EFCAB8: variants seen among roughly 807,000 people sequenced by gnomAD.
The protein encoded by EFCAB8 is EF-hand calcium-binding domain-containing protein 8.
In EFCAB8, 100 loss-of-function variants were observed where a neutral mutation model predicts 116.3. The ratio of observed to expected loss-of-function variants is 0.86; its 90% CI spans 0.73 to 1.02. The LOEUF is 1.02. EFCAB8 is among the 50% of genes least tolerant of loss of function. The pLI, the probability that EFCAB8 is intolerant of heterozygous loss-of-function variation, is 0.00. For synonymous variants in EFCAB8, 558 were observed against 567.9 expected, an observed-to-expected ratio of 0.98 and a Z score of 0.25; for missense variants, 1,320 against 1,416.9, an observed-to-expected ratio of 0.93 and a Z score of 1.10.
At chr20:32,887,157 C>T (rs1262507618) in intron 6 of EFCAB8, among the ~76,000 whole-genome samples, 1 of 152,200 alleles carries the variant, frequency 6.6e-6, no homozygotes, top group East Asian at 1.9e-4. Context: ...CCCTGCCTTC[C>T]CTATCCCTTC....
At chr20:32,889,498 A>G in intron 7 of EFCAB8, 92 bp downstream of exon 7, 6 of 1,287,204 alleles carry the variant, frequency 4.7e-6, no homozygotes, top group Non-Finnish European at 6.6e-6. Context: ...GCAACTGTGA[A>G]CATGGATCAG....
At chr20:32,867,790 A>G (rs942691759) in intron 3 of EFCAB8, 43 bp downstream of exon 3, 1 of 1,536,356 alleles carries the variant, frequency 6.5e-7, no homozygotes, top group African/African-American at 1.4e-5. Context: ...GAGTTCTGCA[A>G]CAGGGCAGGA....
chr20:32,892,317 T>C lies in EFCAB8; in HGVS notation c.758+20T>C. 1.3e-6 allele frequency: 2 copies of C among 1,550,286 alleles called. No individual in the cohort carries two copies. The highest frequency in any genetic ancestry group is 4.9e-5 in the East Asian group (2 of 40,910). On this transcript the variant is annotated intron_variant, in intron 8 of 26. Coordinates refer to ENST00000400522, the MANE Select transcript of EFCAB8 (RefSeq NM_001143967.2). Reference sequence around the variant, plus strand: ...CTACTGGTGAGTCTCCACTGGGTGTTCCTCACATGAACCAGGAGGCCCAGG... The same window carrying C: ...CTACTGGTGAGTCTCCACTGGGTGTCCCTCACATGAACCAGGAGGCCCAGG...
At chr20:32,954,985 A>C (rs1206534974) in intron 23 of EFCAB8, among the ~76,000 whole-genome samples, 2 of 135,824 alleles carry the variant, frequency 1.5e-5, no homozygotes, top group African/African-American at 5.6e-5. Context: ...TTGAGTGCCC[A>C]AAACCTTCTT....
In EFCAB8 at chr20:32,939,149, T is replaced by C. The variant is rs572093437; in HGVS notation, c.2791-4487T>C. Among the ~76,000 whole-genome samples the C allele has an allele frequency of 2.3e-4, 15 of 64,672 alleles. 2 individuals carry two copies. The South Asian group carries it at 3.9e-3, about 17-fold the overall frequency. The allele number at this position is 64,672 out of a possible 152,430, so 42.4% of individuals were successfully genotyped here. A position where few individuals can be genotyped will look rare whatever the true frequency, so the allele number is the denominator to read the frequency against. ...TCTCTTTCTTTCTTTCTTTCTTTCT[T>C]TCTTTCTTTCTTTCTTTCTTTCTTT... On this transcript the variant is annotated intron_variant, in intron 22 of 26. Coordinates refer to ENST00000400522, the MANE Select transcript of EFCAB8 (RefSeq NM_001143967.2).
rs375241739 is a variant in EFCAB8 at position 32,873,903 on chromosome 20, T to G, written c.209-2023T>G. 5.6e-4 allele frequency among the ~76,000 whole-genome samples: 85 copies of G among 152,072 alleles called. 2 individuals carry two copies. The highest frequency in any genetic ancestry group is 1.2e-3 in the African/African-American group (48 of 41,418). On this transcript the variant is annotated intron_variant, in intron 3 of 26. Transcript: ENST00000400522. The stretch of plus-strand genomic sequence containing the variant: ...CATTATATACTTTTGTTCTGCTGCT[T>G]CTTTTCTTCGTTTTTATTTTATTTA...
chr20:32,898,785 C>G (rs1986288116), intron 11 of EFCAB8, among the ~76,000 whole-genome samples, 162 bp downstream of exon 11: 1 of 152,046 alleles, frequency 6.6e-6, no homozygotes, highest in Admixed American at 6.5e-5. Flanking sequence ...ACACAGCAGC[C>G]TCTTTTATCT....
chr20:32,942,481 G>A (rs965892992), intron 22 of EFCAB8, among the ~76,000 whole-genome samples: 22 of 151,656 alleles, frequency 1.5e-4, no homozygotes, highest in African/African-American at 5.3e-4. Flanking sequence ...GAGCCTAACA[G>A]TTCGAGACCA....
At position 32,888,318 on chromosome 20, in the gene EFCAB8, C is replaced by G. The variant is rs186213516; in HGVS notation, c.568-983C>G. 7.9e-5 allele frequency among the ~76,000 whole-genome samples: 12 copies of G among 152,182 alleles called. No individual in the cohort carries two copies. The East Asian group carries it at 2.3e-3, about 29-fold the overall frequency. ...TCAGCTCACTGCAGCCTCTGCCTCC[C>G]GGGTTCAGGTGATTCTTCTGCCTCA... On this transcript the variant is annotated intron_variant, in intron 6 of 26. Transcript: ENST00000400522.
chr20:32,913,664 A>G (rs1987045745), intron 17 of EFCAB8, among the ~76,000 whole-genome samples: 1 of 152,180 alleles, frequency 6.6e-6, no homozygotes. Flanking sequence ...TCAAGCTACA[A>G]TTCATTCTGA....
chr20:32,920,288 G>T, intron 20 of EFCAB8, 73 bp downstream of exon 20: 1 of 1,516,132 alleles, frequency 6.6e-7, no homozygotes, highest in East Asian at 2.5e-5. Context: ...GTCAGGATGG[G>T]GCTCGGGGGC....
intron 7 of EFCAB8, among the ~76,000 whole-genome samples, chr20:32,891,228 G>A (rs1985895126): frequency 6.6e-6 from 1 of 152,116 alleles, no homozygotes; most frequent in South Asian, 2.1e-4. Context: ...TCCTGCCTCA[G>A]CCTCCTGAGT....
chr20:32,877,444 G>C (rs1168365192), intron 4 of EFCAB8, among the ~76,000 whole-genome samples: 1 of 151,946 alleles, frequency 6.6e-6, no homozygotes, highest in Non-Finnish European at 1.5e-5. Context: ...CCTGACCTCA[G>C]GTAATCCACC....
At chr20:32,903,664 G>A (rs1986536253) in intron 11 of EFCAB8, 1 of 152,276 alleles carries the variant, frequency 6.6e-6, no homozygotes, top group African/African-American at 2.4e-5. Context: ...TGAAATATGT[G>A]TACTGCCATC....
At chr20:32,896,422 C>T (rs1179649195) in intron 9 of EFCAB8, 32 bp from the exon 10 acceptor site, 1 of 716,330 alleles carries the variant, frequency 1.4e-6, no homozygotes, top group Admixed American at 2.0e-5. Context: ...GGGAAAGCTG[C>T]TGATGTGGAC....
chr20:32,932,493 G>A (rs1987946710), intron 22 of EFCAB8, among the ~76,000 whole-genome samples: 1 of 152,210 alleles, frequency 6.6e-6, no homozygotes, highest in Non-Finnish European at 1.5e-5. Flanking sequence ...AAGAGTCTAA[G>A]TCCCATTCCT....
At chr20:32,869,976 AT>A (rs1016635402) in intron 3 of EFCAB8, among the ~76,000 whole-genome samples, 9 of 152,214 alleles carry the variant, frequency 5.9e-5, no homozygotes, top group African/African-American at 2.2e-4. Flanking sequence ...TTAGAGCTTG[AT>A]TTTTCCCCCT....
At chr20:32,923,849 G>A (rs111377889) in intron 20 of EFCAB8, among the ~76,000 whole-genome samples, 26 of 152,144 alleles carry the variant, frequency 1.7e-4, no homozygotes, top group Middle Eastern at 3.4e-3. Flanking sequence ...ATCTGCTGCC[G>A]CTGGGTTTTG....
intron 23 of EFCAB8, among the ~76,000 whole-genome samples, chr20:32,953,830 A>G (rs1159508711): frequency 6.6e-6 from 1 of 152,028 alleles, no homozygotes; most frequent in Admixed American, 6.6e-5. Flanking sequence ...TTTGTTTTGA[A>G]ATGGAGGTTT....
Sources: gnomAD v4.1 joint callset for allele counts (sites outside exome capture counted in the v4.1 genomes callset) on GRCh38, gnomAD v4.1.1 for gene constraint, MANE v1.5 for transcripts, NCBI Gene and HGNC (gene_info 2026-07-23, HGNC 2026-07-21) for gene names.